THSD4: variants seen among roughly 807,000 people sequenced by gnomAD.
THSD4 encodes the protein thrombospondin type 1 domain containing 4.
Under a neutral mutation model 119.0 loss-of-function variants are expected in THSD4, and 69 were observed. The ratio of observed to expected loss-of-function variants is 0.58; its 90% CI spans 0.48 to 0.71. The LOEUF is 0.71. THSD4 is among the 30% of genes least tolerant of loss of function. THSD4 has a pLI of 0.00. For missense variants in THSD4, 1,393 were observed against 1,391.1 expected, an observed-to-expected ratio of 1.00 and a Z score of -0.02; for synonymous variants, 524 against 540.4, an observed-to-expected ratio of 0.97 and a Z score of 0.42.
intron 6 of THSD4, among the ~76,000 whole-genome samples, chr15:71,331,830 C>T (rs1025112033): frequency 3.3e-5 from 5 of 151,050 alleles, no homozygotes; most frequent in African/African-American, 9.8e-5. Context: ...CTCCCCACCC[C>T]GTGACATTGG....
chr15:71,573,469 A>G (rs371891220), intron 7 of THSD4, among the ~76,000 whole-genome samples: 7 of 152,320 alleles, frequency 4.6e-5, no homozygotes, highest in South Asian at 4.1e-4. Flanking sequence ...TCAGGAACCA[A>G]TTGGCCAAAG....
intron 7 of THSD4, among the ~76,000 whole-genome samples, chr15:71,465,259 T>C (rs1195475565): frequency 1.3e-5 from 2 of 152,214 alleles, no homozygotes; most frequent in African/African-American, 4.8e-5. Flanking sequence ...TCAGTGTGAT[T>C]GACTCAGTCA....
At chr15:71,581,502 T>C (rs759938243) in intron 7 of THSD4, among the ~76,000 whole-genome samples, 2 of 152,212 alleles carry the variant, frequency 1.3e-5, no homozygotes, top group Non-Finnish European at 2.9e-5. Flanking sequence ...ATTTTGTTGA[T>C]TGTTTCATTT....
intron 7 of THSD4, among the ~76,000 whole-genome samples, chr15:71,471,873 C>T (rs1380545912): frequency 1.3e-5 from 2 of 151,892 alleles, no homozygotes; most frequent in African/African-American, 4.8e-5. Context: ...GGTTTGAATC[C>T]CAACTTGGCC....
In THSD4 at chr15:71,470,632, AT is replaced by A. The variant is rs1179703976; in HGVS notation, c.1152+58823del. Reference sequence around the variant, plus strand: ...TAAATGGCTGAGTGAGGATTTTATTATTTTTTTTTTTTTTGAGACGGAGTCT... The same window carrying A: ...TAAATGGCTGAGTGAGGATTTTATTATTTTTTTTTTTTTGAGACGGAGTCT... On this transcript the variant is annotated intron_variant, in intron 7 of 17. Coordinates refer to ENST00000261862, the MANE Select transcript of THSD4 (RefSeq NM_024817.3). Among the ~76,000 whole-genome samples, 343 of 145,846 alleles carry A rather than the reference AT, an allele frequency of 2.4e-3. 1 individual carries two copies. Among genetic ancestry groups the A allele is most frequent in the Middle Eastern group, 0.017 (5 of 288 alleles).
At position 71,156,109 on chromosome 15, in the gene THSD4, T is replaced by A. The variant is rs150604195; in HGVS notation, c.99+1177T>A. 5.3e-5 allele frequency among the ~76,000 whole-genome samples: 8 copies of A among 152,304 alleles called. No individual in the cohort carries two copies. In the East Asian group the frequency reaches 1.5e-3, roughly 29 times the overall value. On this transcript the variant is annotated intron_variant, in intron 3 of 17. Coordinates refer to ENST00000261862, the MANE Select transcript of THSD4 (RefSeq NM_024817.3). ...ATGTTTCCTTAGAGACAATGCATGATAGGACTCTTAGAAAGTCCCTAGAAG... is the reference window on the plus strand; with the variant it reads ...ATGTTTCCTTAGAGACAATGCATGAAAGGACTCTTAGAAAGTCCCTAGAAG...
intron 7 of THSD4, among the ~76,000 whole-genome samples, chr15:71,589,218 A>G (rs949202184): frequency 6.6e-6 from 1 of 152,092 alleles, no homozygotes; most frequent in African/African-American, 2.4e-5. Context: ...AATTAAATGG[A>G]CTTGAATATA....
chr15:71,166,936 A>G (rs1176722512), intron 3 of THSD4: 1 of 152,200 alleles, frequency 6.6e-6, no homozygotes, highest in Non-Finnish European at 1.5e-5. Flanking sequence ...TCTCAGAATC[A>G]TGTGGAGATT....
intron 7 of THSD4, among the ~76,000 whole-genome samples, chr15:71,557,671 C>T (rs929459679): frequency 6.6e-6 from 1 of 152,092 alleles, no homozygotes; most frequent in Non-Finnish European, 1.5e-5. Flanking sequence ...AGTATTAAGG[C>T]TTTCTATTTA....
intron 8 of THSD4, among the ~76,000 whole-genome samples, chr15:71,726,490 G>A (rs1475863442): frequency 1.3e-5 from 2 of 152,152 alleles, no homozygotes; most frequent in African/African-American, 4.8e-5. Context: ...CTGAGCAATG[G>A]GTACATGGGG....
chr15:71,307,712 G>A (rs984256101), intron 6 of THSD4, among the ~76,000 whole-genome samples: 1 of 152,222 alleles, frequency 6.6e-6, no homozygotes, highest in Non-Finnish European at 1.5e-5. Context: ...AGGTTGCAGT[G>A]AGCTGAGATC....
In THSD4 at chr15:71,712,849, C is replaced by T. The variant is rs946383702; in HGVS notation, c.1358-15700C>T. Among the ~76,000 whole-genome samples the T allele has an allele frequency of 3.9e-5, 6 of 152,286 alleles. No homozygotes were observed. The East Asian group carries it at 9.7e-4, about 25-fold the overall frequency. On this transcript the variant is annotated intron_variant, in intron 8 of 17. Transcript: ENST00000261862. The stretch of plus-strand genomic sequence containing the variant: ...GACTCAAAAGACTACATACCCTATG[C>T]TTCCGTTTGTTATGACATTCTGGAA...
In THSD4 at chr15:71,442,660, GTATATATATATATATA is replaced by G. The variant is rs71154772; in HGVS notation, c.1152+30865_1152+30880del. On this transcript the variant is annotated intron_variant, in intron 7 of 17. Coordinates refer to ENST00000261862, the MANE Select transcript of THSD4 (RefSeq NM_024817.3). ...TGTGTGTATATGTGTGTGTGTGTGT[GTATATATATATATATA>G]TATATATATATATATATATATATAT... 6.1e-3 allele frequency among the ~76,000 whole-genome samples: 157 copies of G among 25,828 alleles called. 21 individuals are homozygous for G. The highest frequency in any genetic ancestry group is 0.045 in the Middle Eastern group (2 of 44). The allele number at this position is 25,828 out of a possible 152,430, so 16.9% of individuals were successfully genotyped here. A position where few individuals can be genotyped will look rare whatever the true frequency, so the allele number is the denominator to read the frequency against.
At chr15:71,300,275 G>A (rs1206964664) in intron 6 of THSD4, among the ~76,000 whole-genome samples, 1 of 152,128 alleles carries the variant, frequency 6.6e-6, no homozygotes, top group Non-Finnish European at 1.5e-5. Context: ...AAGGCATTTT[G>A]ATGAACCTCT....
At chr15:71,265,510 A>G (rs1419667137) in intron 6 of THSD4, among the ~76,000 whole-genome samples, 1 of 152,158 alleles carries the variant, frequency 6.6e-6, no homozygotes, top group East Asian at 1.9e-4. Context: ...CTGGGTTTCA[A>G]GCACAAAACT....
chr15:71,690,655 CTT>C (rs2052028305), intron 8 of THSD4, among the ~76,000 whole-genome samples: 1 of 152,196 alleles, frequency 6.6e-6, no homozygotes, highest in Non-Finnish European at 1.5e-5. Flanking sequence ...AGTTTAATGA[CTT>C]ACAGTTTCAT....
chr15:71,468,944 A>G (rs2047536032), intron 7 of THSD4, among the ~76,000 whole-genome samples: 1 of 152,252 alleles, frequency 6.6e-6, no homozygotes, highest in African/African-American at 2.4e-5. Flanking sequence ...TACAAAGTAG[A>G]CTGGGAAATG....
chr15:71,308,297 C>G (rs2045060892), intron 6 of THSD4, among the ~76,000 whole-genome samples: 1 of 152,168 alleles, frequency 6.6e-6, no homozygotes, highest in Non-Finnish European at 1.5e-5. Context: ...CTTAACCCTT[C>G]CCTGCCTACT....
intron 6 of THSD4, among the ~76,000 whole-genome samples, chr15:71,280,304 A>G (rs1337002824): frequency 1.3e-5 from 2 of 152,190 alleles, no homozygotes; most frequent in Admixed American, 1.3e-4. Context: ...ACAGGAGGCT[A>G]AAGAAACTGG....
Sources: gnomAD v4.1 joint callset for allele counts (sites outside exome capture counted in the v4.1 genomes callset) on GRCh38, gnomAD v4.1.1 for gene constraint, MANE v1.5 for transcripts, NCBI Gene and HGNC (gene_info 2026-07-23, HGNC 2026-07-21) for gene names.